DPP8: variants seen among roughly 807,000 people sequenced by gnomAD.
The protein encoded by DPP8 is dipeptidyl peptidase 8.
DPP8 carries 31 observed loss-of-function variants against 107.5 expected under a neutral mutation model. That is an observed-to-expected ratio of 0.29 (90% CI 0.22 to 0.39). The LOEUF (loss-of-function observed/expected upper bound fraction) is 0.39, where lower values mean the gene tolerates loss of function less well. DPP8 is among the 10% of genes least tolerant of loss of function. The pLI is 1.00. For missense variants in DPP8, 842 were observed against 1,076.1 expected (o/e 0.78, Z 3.04); for synonymous variants, 381 against 356.6 (o/e 1.07, Z -0.77).
intron 3 of DPP8, chr15:65,502,752 T>C (rs992687869): frequency 4.6e-5 from 7 of 152,128 alleles, no homozygotes; most frequent in African/African-American, 1.7e-4. Flanking sequence ...GCTGACCCAA[T>C]AGTAGTGGGT....
rs748367640 is a variant in DPP8, at chr15:65,497,913, T to A, written c.666A>T (p.Ile222=). The A allele has an allele frequency of 6.3e-7, 1 of 1,594,876 alleles. No individual in the cohort carries two copies. The highest frequency in any genetic ancestry group is 8.6e-7 in the Non-Finnish European group (1 of 1,167,908). Residue 222 remains isoleucine, a synonymous_variant, in exon 5 of 20, where the codon ATA becomes ATT. Coordinates refer to ENST00000300141, the MANE Select transcript of DPP8 (RefSeq NM_130434.5). ...TTTCTTCTCTGGTTACGATGTTAGA[T>A]ATCCAAATATCGTTGCTATGTATAA... is the stretch of plus-strand genomic sequence containing the variant. ...IAFIHSNDIW[I]SNIVTREERR...
rs1026570153 is a variant in DPP8, at chr15:65,443,302, C to T, written c.*3582G>A. 1 of 152,148 alleles carries T rather than the reference C, an allele frequency of 6.6e-6. No homozygotes were observed. Among genetic ancestry groups the T allele is most frequent in the East Asian group, 1.9e-4 (1 of 5,206 alleles). The allele number at this position is 152,148 out of a possible 1,614,324, so 9.4% of individuals were successfully genotyped here. On this transcript the variant is annotated 3_prime_UTR_variant, in exon 20 of 20. Coordinates refer to ENST00000300141, the MANE Select transcript of DPP8 (RefSeq NM_130434.5). ...GGCTGTGTGGTCGTGGGTATATTTC[C>T]TCCTCTCTCTCTAGCATGTAGGTTG...
chr15:65,511,555 G>GT (rs2070769803), intron 2 of DPP8, among the ~76,000 whole-genome samples: 1 of 146,020 alleles, frequency 6.8e-6, no homozygotes, highest in African/African-American at 2.5e-5. Context: ...TGGGAGGACT[G>GT]TTTGAGCCTG....
chr15:65,447,491 AT>A (rs1567120157), intron 19 of DPP8, among the ~76,000 whole-genome samples: 1 of 152,236 alleles, frequency 6.6e-6, no homozygotes, highest in African/African-American at 2.4e-5. Flanking sequence ...GGCAGTTTCA[AT>A]TAAGTAGCAG....
chr15:65,474,694 A>G (rs565347140), intron 11 of DPP8, among the ~76,000 whole-genome samples: 2 of 152,344 alleles, frequency 1.3e-5, no homozygotes, highest in Admixed American at 1.3e-4. Flanking sequence ...CTGGTCTTGA[A>G]CTGCTGGCCT....
chr15:65,459,753 G>A (rs922913234), intron 15 of DPP8, among the ~76,000 whole-genome samples: 7 of 152,024 alleles, frequency 4.6e-5, no homozygotes, highest in Admixed American at 2.6e-4. Context: ...TCAGGAGTTC[G>A]AGACCATCTT....
rs370006737 is a variant in DPP8 at position 65,453,876 on chromosome 15, C to T, written c.2271+387G>A. On this transcript the variant is annotated intron_variant, in intron 17 of 19. Coordinates refer to ENST00000300141, the MANE Select transcript of DPP8 (RefSeq NM_130434.5). ...TAATCCTAGCACTTTGGGAGGCCAA[C>T]GCAGGTGGATCTCTTGAGGTCAGGA... Among the ~76,000 whole-genome samples the T allele has an allele frequency of 1.4e-3, 217 of 151,662 alleles. 1 individual carries two copies. Among genetic ancestry groups the T allele is most frequent in the African/African-American group, 4.9e-3 (202 of 41,354 alleles).
chr15:65,482,813 G>C (rs2067049597), intron 8 of DPP8, among the ~76,000 whole-genome samples: 1 of 152,142 alleles, frequency 6.6e-6, no homozygotes, highest in African/African-American at 2.4e-5. Context: ...AAACACAATA[G>C]GGGCCGGGTG....
chr15:65,508,636 TGAGGTCAGGA>T (rs2070372349), intron 2 of DPP8, among the ~76,000 whole-genome samples: 1 of 152,140 alleles, frequency 6.6e-6, no homozygotes, highest in East Asian at 1.9e-4. Flanking sequence ...GCGGATTACC[TGAGGTCAGGA>T]GCTCGAGACC....
At chr15:65,456,046 C>T (rs1482076809) in intron 16 of DPP8, among the ~76,000 whole-genome samples, 179 bp downstream of exon 16, 1 of 152,150 alleles carries the variant, frequency 6.6e-6, no homozygotes, top group African/African-American at 2.4e-5. Flanking sequence ...CCCAAAGTTA[C>T]GTATAAGTAG....
intron 16 of DPP8, among the ~76,000 whole-genome samples, chr15:65,454,694 T>G (rs757169316): frequency 4.6e-5 from 7 of 152,016 alleles, no homozygotes; most frequent in Non-Finnish European, 7.4e-5. Context: ...GCCCAGCTAA[T>G]TTTTGTATTT....
chr15:65,463,693 T>C, intron 15 of DPP8, 68 bp downstream of exon 15: 1 of 1,407,682 alleles, frequency 7.1e-7, no homozygotes, highest in Non-Finnish European at 9.8e-7. Flanking sequence ...ACTAGACATT[T>C]AAAAAACAAA....
chr15:65,448,872 A>ATGTGTG (rs1422546535), intron 19 of DPP8, among the ~76,000 whole-genome samples: 2 of 8,356 alleles, frequency 2.4e-4, no homozygotes, highest in African/African-American at 9.1e-4. Context: ...TAAAATATAT[A>ATGTGTG]TATATATATA....
rs370536852 is a variant in DPP8 at position 65,495,730 on chromosome 15, C to A, written c.715+2134G>T. 5.9e-5 allele frequency among the ~76,000 whole-genome samples: 9 copies of A among 151,882 alleles called. No homozygotes were observed. The East Asian group carries it at 7.8e-4, about 13-fold the overall frequency. ...CCTGGCCAACATGGTGAAACCCCGT[C>A]TCTACTAAAAATACAAAAAAATTAG... is the stretch of plus-strand genomic sequence containing the variant. On this transcript the variant is annotated intron_variant, in intron 5 of 19. Transcript: ENST00000300141.
chr15:65,487,356 T>C (rs908527357), intron 7 of DPP8, among the ~76,000 whole-genome samples: 2 of 151,786 alleles, frequency 1.3e-5, no homozygotes. Context: ...ACCATGTTGG[T>C]CAGGCTGGTC....
chr15:65,451,946 A>G lies in DPP8; in HGVS notation c.2414+14T>C. The stretch of plus-strand genomic sequence containing the variant: ...TCTCAATTTAAAAAAAAAAAAAAAA[A>G]AGCTTGCACTTACTCAGAGGGGAAC... On this transcript the variant is annotated intron_variant, in intron 18 of 19. Coordinates refer to ENST00000300141, the MANE Select transcript of DPP8 (RefSeq NM_130434.5). The G allele has an allele frequency of 1.3e-6, 2 of 1,565,260 alleles. No individual in the cohort carries two copies. The highest frequency in any genetic ancestry group is 4.3e-5 in the Admixed American group (2 of 46,550).
At position 65,443,415 on chromosome 15, in the gene DPP8, T is replaced by C. The variant is rs1438453034; in HGVS notation, c.*3469A>G. Reference sequence around the variant, plus strand: ...TGCATGATTTAATAATGAGAAATCTTATAGGAATCATTCCACCTAAAGAGA... The same window carrying C: ...TGCATGATTTAATAATGAGAAATCTCATAGGAATCATTCCACCTAAAGAGA... On this transcript the variant is annotated 3_prime_UTR_variant, in exon 20 of 20. Coordinates refer to ENST00000300141, the MANE Select transcript of DPP8 (RefSeq NM_130434.5). 1 of 152,058 alleles carries C rather than the reference T, an allele frequency of 6.6e-6. No homozygotes were observed. Among genetic ancestry groups the C allele is most frequent in the African/African-American group, 2.4e-5 (1 of 41,376 alleles). 9.4% of individuals were successfully genotyped at this position (152,058 alleles called of 1,614,324 possible). A position where few individuals can be genotyped will look rare whatever the true frequency, so the allele number is the denominator to read the frequency against.
chr15:65,451,932 A>G (rs751532337), intron 18 of DPP8, 28 bp downstream of exon 18: 58 of 1,250,338 alleles, frequency 4.6e-5, no homozygotes, highest in Non-Finnish European at 5.9e-5. Flanking sequence ...CTCAATTTAA[A>G]AAAAAAAAAA....
chr15:65,456,440 G>C (rs1433105016), intron 15 of DPP8, 69 bp from the exon 16 acceptor site: 8 of 1,448,434 alleles, frequency 5.5e-6, no homozygotes, highest in Non-Finnish European at 7.5e-6. Flanking sequence ...GCTGGGCATT[G>C]CAAGAAATAG....
Sources: allele counts gnomAD v4.1 joint callset (sites outside exome capture counted in the v4.1 genomes callset), GRCh38; gene constraint gnomAD v4.1.1; transcripts MANE v1.5; gene names NCBI Gene and HGNC (gene_info 2026-07-23, HGNC 2026-07-21).